SVIP: variants seen among roughly 807,000 people sequenced by gnomAD.
SVIP encodes the protein small VCP interacting protein, also known as small VCP/p97-interacting protein.
Under a neutral mutation model 12.9 loss-of-function variants are expected in SVIP, and 14 were observed. The ratio of observed to expected loss-of-function variants is 1.08; its 90% CI spans 0.72 to 1.70. SVIP has a LOEUF of 1.70. Ranked by LOEUF, SVIP falls within the 40% of genes most tolerant of loss-of-function variation. The pLI, the probability that SVIP is intolerant of heterozygous loss-of-function variation, is 0.00. For synonymous variants in SVIP, 35 were observed against 33.3 expected, an observed-to-expected ratio of 1.05 and a Z score of -0.17; for missense variants, 93 against 90.8, an observed-to-expected ratio of 1.02 and a Z score of -0.10.
At chr11:22,829,431 A>T (rs780447804) in intron 1 of SVIP, 3 of 385,518 alleles carry the variant, frequency 7.8e-6, no homozygotes, top group African/African-American at 4.2e-5. Context: ...CGGCGCAGCT[A>T]AAGTCAGTGG....
At chr11:22,825,345 T>C (rs918081048) in intron 3 of SVIP, among the ~76,000 whole-genome samples, 16 of 152,230 alleles carry the variant, frequency 1.1e-4, no homozygotes, top group Admixed American at 9.2e-4. Flanking sequence ...TTCATGCTCT[T>C]GACATGTTGT....
intron 3 of SVIP, among the ~76,000 whole-genome samples, chr11:22,825,479 C>T (rs1857663544): frequency 6.6e-6 from 1 of 152,148 alleles, no homozygotes; most frequent in Non-Finnish European, 1.5e-5. Context: ...CAGTGAGCCA[C>T]TGGAGAAAAT....
At chr11:22,824,900 A>C (rs1427234598) in intron 3 of SVIP, among the ~76,000 whole-genome samples, 1 of 152,140 alleles carries the variant, frequency 6.6e-6, no homozygotes, top group African/African-American at 2.4e-5. Context: ...ACATGCAGCT[A>C]AGGTGGAAAG....
In SVIP at chr11:22,821,605, A is replaced by G. The variant is rs1857488779; in HGVS notation, c.*1514T>C. On this transcript the variant is annotated 3_prime_UTR_variant, in exon 4 of 4. Transcript: ENST00000354193. ...CTAGCTCTATATGCACTCCGCTATCAATCATTCCTTTTACTTTCTGCCTTG... is the reference window on the plus strand; with the variant it reads ...CTAGCTCTATATGCACTCCGCTATCGATCATTCCTTTTACTTTCTGCCTTG... 6.6e-6 allele frequency: 1 copy of G among 152,186 alleles called. No individual in the cohort carries two copies. Among genetic ancestry groups the G allele is most frequent in the South Asian group, 2.1e-4 (1 of 4,830 alleles). The allele number at this position is 152,186 out of a possible 1,614,324, so 9.4% of individuals were successfully genotyped here.
chr11:22,829,276 G>C (rs974175307), intron 1 of SVIP: 2 of 166,424 alleles, frequency 1.2e-5, no homozygotes, highest in African/African-American at 4.8e-5. Context: ...AAAGATGGTA[G>C]ACACAGTTGA....
rs1041981101 is a variant in SVIP at position 22,821,031 on chromosome 11, GTA to G, written c.*2086_*2087del. 4 of 150,444 alleles carry G rather than the reference GTA, an allele frequency of 2.7e-5. No homozygotes were observed. The highest frequency in any genetic ancestry group is 9.8e-5 in the African/African-American group (4 of 41,000). 9.3% of individuals were successfully genotyped at this position (150,444 alleles called of 1,614,324 possible). A position where few individuals can be genotyped will look rare whatever the true frequency, so the allele number is the denominator to read the frequency against. Reference sequence around the variant, plus strand: ...TATTTTATGAGGGAGATGTCTGGACGTATGTGTGTATGTGCATGTGTGTGTGT... The same window carrying G: ...TATTTTATGAGGGAGATGTCTGGACGTGTGTGTATGTGCATGTGTGTGTGT... On this transcript the variant is annotated 3_prime_UTR_variant, in exon 4 of 4. Transcript: ENST00000354193.
At chr11:22,824,010 A>ACT (rs1564905671) in intron 3 of SVIP, among the ~76,000 whole-genome samples, 1 of 152,156 alleles carries the variant, frequency 6.6e-6, no homozygotes, top group African/African-American at 2.4e-5. Flanking sequence ...CACAGCTGAG[A>ACT]TTACACGTGT....
chr11:22,829,776 G>A lies in SVIP; in HGVS notation c.-28C>T, dbSNP rs111406577. 6 of 1,591,164 alleles carry A rather than the reference G, an allele frequency of 3.8e-6. No individual in the cohort carries two copies. In the Middle Eastern group the frequency reaches 5.0e-4, roughly 132 times the overall value. ...GGACGACAGCTTGAGAACCCTGACCGGGTCCGGCCCAGGCCAGGCGGCGCT... is the reference window on the plus strand; with the variant it reads ...GGACGACAGCTTGAGAACCCTGACCAGGTCCGGCCCAGGCCAGGCGGCGCT... On this transcript the variant is annotated 5_prime_UTR_variant, in exon 1 of 4. Coordinates refer to ENST00000354193, the MANE Select transcript of SVIP (RefSeq NM_148893.3).
chr11:22,829,470 C>A (rs116949044), intron 1 of SVIP: 40 of 405,240 alleles, frequency 9.9e-5, no homozygotes, highest in Non-Finnish European at 1.6e-4. Flanking sequence ...AGCCGCCTTT[C>A]GACAACTTTT....
In SVIP at chr11:22,821,881, G is replaced by A. The variant is rs1857500317; in HGVS notation, c.*1238C>T. ...AAATTAACATGTACAATACACTGCA[G>A]TATAACATAATTTTTGTTGGAGGGG... On this transcript the variant is annotated 3_prime_UTR_variant, in exon 4 of 4. Transcript: ENST00000354193. 2 of 152,160 alleles carry A rather than the reference G, an allele frequency of 1.3e-5. No homozygotes were observed. Among genetic ancestry groups the A allele is most frequent in the African/African-American group, 2.4e-5 (1 of 41,448 alleles). The allele number at this position is 152,160 out of a possible 1,614,324, so 9.4% of individuals were successfully genotyped here. A position where few individuals can be genotyped will look rare whatever the true frequency, so the allele number is the denominator to read the frequency against.
chr11:22,827,529 CT>C (rs1175126964), intron 2 of SVIP, among the ~76,000 whole-genome samples: 1 of 152,008 alleles, frequency 6.6e-6, no homozygotes, highest in Admixed American at 6.6e-5. Context: ...AAATTTTCCC[CT>C]AAACTTGCTT....
intron 3 of SVIP, among the ~76,000 whole-genome samples, chr11:22,823,779 G>C (rs1023312728): frequency 6.6e-6 from 1 of 152,178 alleles, no homozygotes. Context: ...GCCCAGGCTG[G>C]GGTGAGGTGG....
At chr11:22,824,188 A>T (rs1320014685) in intron 3 of SVIP, among the ~76,000 whole-genome samples, 6 of 152,126 alleles carry the variant, frequency 3.9e-5, no homozygotes, top group Non-Finnish European at 2.9e-5. Flanking sequence ...CAAAACAAAA[A>T]TTTAAAAATT....
chr11:22,827,422 G>C, intron 2 of SVIP, 102 bp from the exon 3 acceptor site: 4 of 926,932 alleles, frequency 4.3e-6, no homozygotes, highest in Non-Finnish European at 6.7e-6. Context: ...TTCTTTGGGG[G>C]TAGGGAGTTG....
chr11:22,823,664 G>A (rs1486337591), intron 3 of SVIP, among the ~76,000 whole-genome samples: 2 of 152,120 alleles, frequency 1.3e-5, no homozygotes, highest in East Asian at 3.9e-4. Context: ...TGAATCCTAG[G>A]CTTCTGTTGT....
chr11:22,824,801 C>G (rs958223990), intron 3 of SVIP, among the ~76,000 whole-genome samples: 2 of 152,052 alleles, frequency 1.3e-5, no homozygotes, highest in African/African-American at 4.8e-5. Context: ...TAAAACAGTC[C>G]TGATGGCTAA....
intron 3 of SVIP, among the ~76,000 whole-genome samples, chr11:22,826,354 A>G (rs1857702384): frequency 6.9e-6 from 1 of 145,238 alleles, no homozygotes; most frequent in Admixed American, 7.2e-5. Flanking sequence ...ATGTATGTGC[A>G]TGTGTGTGTG....
chr11:22,823,503 C>T (rs182008385), intron 3 of SVIP, among the ~76,000 whole-genome samples: 4 of 152,194 alleles, frequency 2.6e-5, no homozygotes, highest in East Asian at 1.9e-4. Flanking sequence ...AAAGACAGGA[C>T]GTCCTTCAAT....
chr11:22,825,338 A>G (rs1243500933), intron 3 of SVIP, among the ~76,000 whole-genome samples: 1 of 151,922 alleles, frequency 6.6e-6, no homozygotes, highest in Admixed American at 6.6e-5. Context: ...TTTTCACTTC[A>G]TGCTCTTGAC....
Sources: allele counts gnomAD v4.1 joint callset (sites outside exome capture counted in the v4.1 genomes callset), GRCh38; gene constraint gnomAD v4.1.1; transcripts MANE v1.5; gene names NCBI Gene and HGNC (gene_info 2026-07-23, HGNC 2026-07-21).